The following HSD11B1 variants were observed in gnomAD, a reference collection of about 807,000 sequenced individuals.
HSD11B1 encodes hydroxysteroid 11-beta dehydrogenase 1, also known as 11-beta-hydroxysteroid dehydrogenase 1.
HSD11B1 carries 15 observed loss-of-function variants against 22.1 expected under a neutral mutation model. The ratio of observed to expected loss-of-function variants is 0.68; its 90% CI spans 0.45 to 1.04. The LOEUF (loss-of-function observed/expected upper bound fraction) is 1.04. HSD11B1 is among the 50% of genes least tolerant of loss of function. HSD11B1 has a pLI of 0.00. For missense variants in HSD11B1, 281 were observed against 357.6 expected, an observed-to-expected ratio of 0.79 and a Z score of 1.73; for synonymous variants, 122 against 125.2, an observed-to-expected ratio of 0.97 and a Z score of 0.17.
chr1:209,696,836 T>C (rs973007145), intron 1 of HSD11B1, among the ~76,000 whole-genome samples: 1 of 152,218 alleles, frequency 6.6e-6, no homozygotes, highest in African/African-American at 2.4e-5. Flanking sequence ...ATAACATTGC[T>C]GGGCATAGCT....
chr1:209,717,153 T>G (rs532279091), intron 4 of HSD11B1, among the ~76,000 whole-genome samples: 1 of 152,234 alleles, frequency 6.6e-6, no homozygotes, highest in South Asian at 2.1e-4. Context: ...AAAATATTCA[T>G]GCGACAAGGA....
upstream of HSD11B1, among the ~76,000 whole-genome samples, chr1:209,703,864 CAAT>C (rs1009508732): frequency 3.3e-5 from 5 of 152,278 alleles, no homozygotes; most frequent in African/African-American, 1.2e-4. Flanking sequence ...AAAAACTTAA[CAAT>C]GATACATCTT....
chr1:209,689,827 G>A (rs1305640460), intron 1 of HSD11B1, among the ~76,000 whole-genome samples: 1 of 152,012 alleles, frequency 6.6e-6, no homozygotes. Context: ...CAGCTTCAGG[G>A]GTTCCTTTAC....
At chr1:209,717,001 A>G (rs921245844) in intron 4 of HSD11B1, among the ~76,000 whole-genome samples, 2 of 152,228 alleles carry the variant, frequency 1.3e-5, no homozygotes, top group Admixed American at 6.5e-5. Flanking sequence ...CTAGGCAAAT[A>G]TTTTATGACT....
At chr1:209,687,957 G>T (rs1406067591) in intron 1 of HSD11B1, among the ~76,000 whole-genome samples, 1 of 152,164 alleles carries the variant, frequency 6.6e-6, no homozygotes, top group East Asian at 1.9e-4. Context: ...CATTTTACAT[G>T]TCTCATTTCT....
chr1:209,712,697 T>C (rs2076905357), intron 4 of HSD11B1, among the ~76,000 whole-genome samples: 1 of 152,204 alleles, frequency 6.6e-6, no homozygotes, highest in Non-Finnish European at 1.5e-5. Flanking sequence ...TTTTAAAGTC[T>C]AGGTCTTTAT....
chr1:209,686,253 TAAA>T (rs1169250976), upstream of HSD11B1: 4 of 152,018 alleles, frequency 2.6e-5, no homozygotes, highest in Admixed American at 2.6e-4. Flanking sequence ...AGAACATCAA[TAAA>T]AAGAAGTCAG....
Position 209,734,494 on chromosome 1 carries a change from T to C in HSD11B1, c.852T>C (p.Tyr284=). 1 of 1,613,904 alleles carries C rather than the reference T, an allele frequency of 6.2e-7. No individual in the cohort carries two copies. Among genetic ancestry groups the C allele is most frequent in the Non-Finnish European group, 8.5e-7 (1 of 1,179,848 alleles). Reference sequence around the variant, plus strand: ...TGGAATTTCTCTACTCAACGAGCTATAATATGGACAGATTCATAAACAAGT... The same window carrying C: ...TGGAATTTCTCTACTCAACGAGCTACAATATGGACAGATTCATAAACAAGT... ...KILEFLYSTS[Y]NMDRFINK The change falls in exon 6 of 6, where the codon TAT becomes TAC. Residue 284 remains tyrosine, a synonymous_variant. Transcript: ENST00000367027.
chr1:209,696,701 T>C (rs1250800258), intron 1 of HSD11B1, among the ~76,000 whole-genome samples: 1 of 152,148 alleles, frequency 6.6e-6, no homozygotes, highest in Non-Finnish European at 1.5e-5. Flanking sequence ...CTGGTGACTA[T>C]GAATTGACAG....
chr1:209,726,723 C>T (rs1177366279), intron 4 of HSD11B1, among the ~76,000 whole-genome samples: 1 of 152,180 alleles, frequency 6.6e-6, no homozygotes, highest in Non-Finnish European at 1.5e-5. Context: ...TCTTCTCTTA[C>T]CTCCTTCTCC....
upstream of HSD11B1, chr1:209,704,750 G>C: frequency 1.7e-6 from 1 of 582,478 alleles, no homozygotes; most frequent in Admixed American, 2.9e-5. Context: ...GGCTGCCAGG[G>C]ACGAATGGGA....
At position 209,727,469 on chromosome 1, in the gene HSD11B1, T is replaced by C. The variant is rs1405518646; in HGVS notation, c.518-4967T>C. Among the ~76,000 whole-genome samples, 6 of 152,184 alleles carry C rather than the reference T, an allele frequency of 3.9e-5. No individual in the cohort carries two copies. The East Asian group carries it at 1.2e-3, about 29-fold the overall frequency. On this transcript the variant is annotated intron_variant, in intron 4 of 5. Coordinates refer to ENST00000367027, the MANE Select transcript of HSD11B1 (RefSeq NM_005525.4). ...TCATCTGTCAGCTTAGAAGTGAAAATAATACTGCTATTCATAAATTTTGCC... is the reference window on the plus strand; with the variant it reads ...TCATCTGTCAGCTTAGAAGTGAAAACAATACTGCTATTCATAAATTTTGCC...
chr1:209,726,561 G>A (rs1030826183), intron 4 of HSD11B1, among the ~76,000 whole-genome samples: 9 of 152,120 alleles, frequency 5.9e-5, no homozygotes, highest in South Asian at 2.1e-4. Flanking sequence ...TTCAGCCTGC[G>A]TGGGTGACAG....
intron 4 of HSD11B1, among the ~76,000 whole-genome samples, chr1:209,710,251 G>C (rs1373205039): frequency 2.6e-5 from 4 of 152,136 alleles, no homozygotes; most frequent in Non-Finnish European, 5.9e-5. Flanking sequence ...AAGTAAAGTT[G>C]GTTTCATTTT....
intron 1 of HSD11B1, among the ~76,000 whole-genome samples, chr1:209,692,015 T>C (rs1883442): frequency 0.96 from 146,027 of 151,852 alleles, 70,494 homozygotes; most frequent in African/African-American, 0.99. Context: ...CCTTTTGTAC[T>C]AGGTGACTTT....
At chr1:209,691,937 C>T (rs961198497) in intron 1 of HSD11B1, among the ~76,000 whole-genome samples, 4 of 151,966 alleles carry the variant, frequency 2.6e-5, no homozygotes, top group Admixed American at 2.0e-4. Context: ...GATTTAAAAG[C>T]GATTTGCCTG....
upstream of HSD11B1, among the ~76,000 whole-genome samples, chr1:209,701,735 A>G (rs1301438260): frequency 6.6e-6 from 1 of 152,222 alleles, no homozygotes; most frequent in African/African-American, 2.4e-5. Context: ...TTTCATGATC[A>G]ACGTTTTATG....
intron 4 of HSD11B1, among the ~76,000 whole-genome samples, chr1:209,719,605 T>G (rs1409829009): frequency 6.6e-6 from 1 of 152,196 alleles, no homozygotes; most frequent in Non-Finnish European, 1.5e-5. Flanking sequence ...CCTCTCCCAG[T>G]GTCCATGTAC....
At chr1:209,700,089 A>T (rs1296054073), upstream of HSD11B1, among the ~76,000 whole-genome samples, 2 of 152,090 alleles carry the variant, frequency 1.3e-5, no homozygotes, top group African/African-American at 2.4e-5. Flanking sequence ...CTGCCAGTGG[A>T]TCTACCATTC....
Sources: allele counts gnomAD v4.1 joint callset (sites outside exome capture counted in the v4.1 genomes callset), GRCh38; gene constraint gnomAD v4.1.1; transcripts MANE v1.5; gene names NCBI Gene and HGNC (gene_info 2026-07-23, HGNC 2026-07-21).